Variants in PCSK1N observed in about 807,000 individuals in gnomAD.
PCSK1N encodes proprotein convertase subtilisin/kexin type 1 inhibitor, also known as proSAAS.
PCSK1N carries 8 observed loss-of-function variants against 10.6 expected under a neutral mutation model. That is an observed-to-expected ratio of 0.76 (90% CI 0.44 to 1.37). The LOEUF (loss-of-function observed/expected upper bound fraction) is 1.37, where lower values mean the gene tolerates loss of function less well. Ranked by LOEUF, PCSK1N falls within the 40% of genes most tolerant of loss-of-function variation. PCSK1N has a pLI of 0.00. For synonymous variants in PCSK1N, 143 were observed against 137.1 expected (o/e 1.04, Z -0.30); for missense variants, 301 against 268.5 (o/e 1.12, Z -0.84).
At chrX:48,833,441 G>C (rs998263966) in intron 1 of PCSK1N, among the ~76,000 whole-genome samples, 1 of 112,149 alleles carries the variant, frequency 8.9e-6, no homozygotes, top group African/African-American at 3.2e-5. Flanking sequence ...TAAAATGCCA[G>C]GGAGATACTA....
rs1169913766 is a variant in PCSK1N at position 48,835,560 on chromosome X, G to T, written c.-28C>A. On this transcript the variant is annotated 5_prime_UTR_variant, in exon 1 of 3. Coordinates refer to ENST00000218230, the MANE Select transcript of PCSK1N (RefSeq NM_013271.5). Reference sequence around the variant, plus strand: ...TGCCCCAGCGAGCCGGGCTCCGGACGGGCGGACTGGCTGGCAAGTGCGCAG... The same window carrying T: ...TGCCCCAGCGAGCCGGGCTCCGGACTGGCGGACTGGCTGGCAAGTGCGCAG... The T allele has an allele frequency of 2.8e-6, 2 of 719,026 alleles. No homozygotes were observed. Among genetic ancestry groups the T allele is most frequent in the East Asian group, 4.8e-5 (1 of 21,008 alleles). 59.3% of individuals were successfully genotyped at this position (719,026 alleles called of 1,213,427 possible).
At chrX:48,831,749 C>G in intron 2 of PCSK1N, 120 bp downstream of exon 2, 3 of 538,524 alleles carry the variant, frequency 5.6e-6, no homozygotes, top group Non-Finnish European at 8.0e-6. Flanking sequence ...GGACCTCACT[C>G]CCTCTTAGGC....
chrX:48,833,541 C>G (rs188524099), intron 1 of PCSK1N, among the ~76,000 whole-genome samples: 1 of 112,098 alleles, frequency 8.9e-6, no homozygotes, highest in East Asian at 2.8e-4. Context: ...AACTCTCATA[C>G]TATGCTGGTG....
chrX:48,832,332 C>G lies in PCSK1N; in HGVS notation c.124G>C (p.Gly42Arg). 9.0e-7 allele frequency: 1 copy of G among 1,116,229 alleles called. No individual in the cohort carries two copies. Among genetic ancestry groups the G allele is most frequent in the Non-Finnish European group, 1.2e-6 (1 of 849,321 alleles). 92.0% of individuals were successfully genotyped at this position (1,116,229 alleles called of 1,213,427 possible). A position where few individuals can be genotyped will look rare whatever the true frequency, so the allele number is the denominator to read the frequency against. ...LCARPVKEPRGLSAASPPLAE... is the reference protein window; with the variant it reads ...LCARPVKEPRRLSAASPPLAE... ...AAGGGCGGAGACGCTGCGCTTAGGCCGCGGGGCTCCTGCGGGAAAATGAGG... is the reference window on the plus strand; with the variant it reads ...AAGGGCGGAGACGCTGCGCTTAGGCGGCGGGGCTCCTGCGGGAAAATGAGG... Residue 42 changes from glycine to arginine, a missense_variant, in exon 2 of 3, where the codon GGC (glycine) becomes CGC (arginine). By Grantham distance (125) the Gly-to-Arg change is moderately radical (BLOSUM62 -2). Transcript: ENST00000218230.
Position 48,832,068 on chromosome X carries a change from C to A in PCSK1N, c.388G>T (p.Asp130Tyr). 1 of 1,119,049 alleles carries A rather than the reference C, an allele frequency of 8.9e-7. No individual in the cohort carries two copies. Among genetic ancestry groups the A allele is most frequent in the Non-Finnish European group, 1.2e-6 (1 of 857,776 alleles). The allele number at this position is 1,119,049 out of a possible 1,213,427, so 92.2% of individuals were successfully genotyped here. A position where few individuals can be genotyped will look rare whatever the true frequency, so the allele number is the denominator to read the frequency against. Residue 130 changes from aspartate to tyrosine, a missense_variant, in exon 2 of 3, where the codon GAC (aspartate) becomes TAC (tyrosine). Transcript: ENST00000218230. ...CGAGCGAGCTGCGCTGCAGGCGCGT[C>A]GGGGTCGTCGTCCAGGCCCAGAGCC... ...DPALGLDDDP[D>Y]APAAQLARAL...
rs1182206677 is a variant in PCSK1N, at chrX:48,832,214, TGCGCCAGCGCCC to T, written c.230_241del (p.Arg77_Ala80del). 5.2e-6 allele frequency: 6 copies of T among 1,156,865 alleles called. No individual in the cohort carries two copies. The highest frequency in any genetic ancestry group is 3.3e-5 in the East Asian group (1 of 30,472). On this transcript the variant is annotated inframe_deletion, in exon 2 of 3. Coordinates refer to ENST00000218230, the MANE Select transcript of PCSK1N (RefSeq NM_013271.5). ...CTCCTGACGTTCGGCCTCCAGCAGA[TGCGCCAGCGCCC>T]GCGCCAGCTCCTGCACCGCCCCCGC...
Position 48,832,023 on chromosome X carries a change from G to C in PCSK1N, c.433C>G (p.Leu145Val), listed in dbSNP as rs782035934. 5 of 1,104,310 alleles carry C rather than the reference G, an allele frequency of 4.5e-6. No individual in the cohort carries two copies. 91.0% of individuals were successfully genotyped at this position (1,104,310 alleles called of 1,213,427 possible). A position where few individuals can be genotyped will look rare whatever the true frequency, so the allele number is the denominator to read the frequency against. ...TGGGCTGCTAGGGCGGCAGGGTCAA[G>C]GCGGGCGCGGAGCAGAGCGCGAGCG... ...QLARALLRAR[L>V]DPAALAAQLV... The change falls in exon 2 of 3, where the codon CTT (leucine) becomes GTT (valine). Residue 145 changes from leucine to valine, a missense_variant. Leu to Val is a conservative substitution (Grantham distance 32). Transcript: ENST00000218230.
Position 48,832,074 on chromosome X carries a change from C to G in PCSK1N, c.382G>C (p.Asp128His). 8.9e-7 allele frequency: 1 copy of G among 1,119,545 alleles called. No homozygotes were observed. Among genetic ancestry groups the G allele is most frequent in the South Asian group, 2.0e-5 (1 of 48,969 alleles). 92.3% of individuals were successfully genotyped at this position (1,119,545 alleles called of 1,213,427 possible). A position where few individuals can be genotyped will look rare whatever the true frequency, so the allele number is the denominator to read the frequency against. ...AGCTGCGCTGCAGGCGCGTCGGGGT[C>G]GTCGTCCAGGCCCAGAGCCGGATCA... ...NSDPALGLDD[D>H]PDAPAAQLAR... The change falls in exon 2 of 3, where the codon GAC (aspartate) becomes CAC (histidine). Residue 128 changes from aspartate (D) to histidine (H), a missense_variant. Physicochemically the swap from Asp to His is moderately conservative, Grantham distance 81. Transcript: ENST00000218230.
intron 1 of PCSK1N, 91 bp from the exon 2 acceptor site, chrX:48,832,432 C>T: frequency 1.4e-6 from 1 of 696,116 alleles, no homozygotes; most frequent in Non-Finnish European, 2.0e-6. Context: ...CCTCAAACAT[C>T]CCAGATGCCA....
At chrX:48,833,472 T>C (rs1485254028) in intron 1 of PCSK1N, among the ~76,000 whole-genome samples, 3 of 112,380 alleles carry the variant, frequency 2.7e-5, no homozygotes, top group Non-Finnish European at 3.8e-5. Flanking sequence ...AACCAAAAGA[T>C]TGACCCAAAT....
rs377603472 is a variant in PCSK1N, at chrX:48,831,293, G to A, written c.750C>T (p.Pro250=). The change falls in exon 3 of 3, where the codon CCC becomes CCT. Residue 250 remains proline, a synonymous_variant. Transcript: ENST00000218230. The part of the protein sequence containing the change: ...LRVKRLETPA[P]QVPARRLLPP ...GCAAGAGGCGGCGTGCAGGCACCTG[G>A]GGCGCCGGGGTCTCTAGGCGTTTCA... 3.4e-6 allele frequency: 4 copies of A among 1,179,908 alleles called. No individual in the cohort carries two copies. In the African/African-American group the frequency reaches 5.4e-5, roughly 16 times the overall value.
In PCSK1N at chrX:48,831,281, T is replaced by A. The variant is rs782782833; in HGVS notation, c.762A>T (p.Ala254=). Residue 254 remains alanine, a synonymous_variant, in exon 3 of 3, where the codon GCA becomes GCT. Coordinates refer to ENST00000218230, the MANE Select transcript of PCSK1N (RefSeq NM_013271.5). The part of the protein sequence containing the change: ...RLETPAPQVP[A]RRLLPP ...GTGCTCAGGGTGGCAAGAGGCGGCGTGCAGGCACCTGGGGCGCCGGGGTCT... is the reference window on the plus strand; with the variant it reads ...GTGCTCAGGGTGGCAAGAGGCGGCGAGCAGGCACCTGGGGCGCCGGGGTCT... The A allele has an allele frequency of 5.9e-6, 7 of 1,183,633 alleles. No individual in the cohort carries two copies. Among genetic ancestry groups the A allele is most frequent in the Non-Finnish European group, 7.9e-6 (7 of 882,451 alleles).
rs1557033304 is a variant in PCSK1N, at chrX:48,831,243, C to T, written c.*17G>A. 2 of 1,151,153 alleles carry T rather than the reference C, an allele frequency of 1.7e-6. No individual in the cohort carries two copies. Among genetic ancestry groups the T allele is most frequent in the Non-Finnish European group, 2.3e-6 (2 of 863,438 alleles). The allele number at this position is 1,151,153 out of a possible 1,213,427, so 94.9% of individuals were successfully genotyped here. On this transcript the variant is annotated 3_prime_UTR_variant, in exon 3 of 3. Transcript: ENST00000218230. ...GGGCACTTCTGGGTCCCAGGGTGCA[C>T]GGGATCCGGGCAGTGCTCAGGGTGG...
In PCSK1N at chrX:48,835,414, C is replaced by A; in HGVS notation, c.114+5G>T. On this transcript the variant is annotated splice_donor_5th_base_variant and intron_variant, in intron 1 of 2. Coordinates refer to ENST00000218230, the MANE Select transcript of PCSK1N (RefSeq NM_013271.5). ...CCCCCACCCCTCGCCGGACTGGGGT[C>A]GCACCTTTACCGGCCGCGCGCAGAG... 1 of 869,038 alleles carries A rather than the reference C, an allele frequency of 1.2e-6. No homozygotes were observed. The highest frequency in any genetic ancestry group is 5.3e-5 in the South Asian group (1 of 19,016). 71.6% of individuals were successfully genotyped at this position (869,038 alleles called of 1,213,427 possible).
rs2147403341 is a variant in PCSK1N at position 48,831,370 on chromosome X, C to A, written c.673G>T (p.Asp225Tyr). ...PRRLRRAADH[D>Y]VGSELPPEGV... ...TCAGGGGGCAGCTCAGAGCCCACAT[C>A]GTGGTCGGCGGCACGGCGGAGGCGG... is the stretch of plus-strand genomic sequence containing the variant. Residue 225 changes from aspartate (D) to tyrosine (Y), a missense_variant, in exon 3 of 3, where the codon GAT becomes TAT. Coordinates refer to ENST00000218230, the MANE Select transcript of PCSK1N (RefSeq NM_013271.5). The A allele has an allele frequency of 2.7e-6, 3 of 1,122,125 alleles. No homozygotes were observed. Among genetic ancestry groups the A allele is most frequent in the Non-Finnish European group, 3.5e-6 (3 of 856,490 alleles). 92.5% of individuals were successfully genotyped at this position (1,122,125 alleles called of 1,213,427 possible). A position where few individuals can be genotyped will look rare whatever the true frequency, so the allele number is the denominator to read the frequency against.
In PCSK1N at chrX:48,831,901, G is replaced by C; in HGVS notation, c.555C>G (p.Asp185Glu). Residue 185 changes from aspartate to glutamate, a missense_variant, in exon 2 of 3, where the codon GAC becomes GAG. By Grantham distance (45) the Asp-to-Glu change is conservative (BLOSUM62 2). Coordinates refer to ENST00000218230, the MANE Select transcript of PCSK1N (RefSeq NM_013271.5). ...GCTCGGGGTCCACGTCGGGTGTCTC[G>C]TCGCCTGCCTCCTCAGCATCCGGGC... is the stretch of plus-strand genomic sequence containing the variant. ...PAGPDAEEAG[D>E]ETPDVDPELL... 2 of 1,088,919 alleles carry C rather than the reference G, an allele frequency of 1.8e-6. No homozygotes were observed. Among genetic ancestry groups the C allele is most frequent in the East Asian group, 7.8e-5 (2 of 25,758 alleles). The allele number at this position is 1,088,919 out of a possible 1,213,427, so 89.7% of individuals were successfully genotyped here. A position where few individuals can be genotyped will look rare whatever the true frequency, so the allele number is the denominator to read the frequency against.
Position 48,832,230 on chromosome X carries a change from C to G in PCSK1N, c.226G>C (p.Ala76Pro). Reference protein sequence around the residue: ...GEAAGAVQELARALAHLLEAE... With the variant: ...GEAAGAVQELPRALAHLLEAE... ...TCCAGCAGATGCGCCAGCGCCCGCG[C>G]CAGCTCCTGCACCGCCCCCGCCGCC... The change falls in exon 2 of 3, where the codon GCG becomes CCG. Residue 76 changes from alanine to proline, a missense_variant. Transcript: ENST00000218230. The G allele has an allele frequency of 8.7e-7, 1 of 1,153,858 alleles. No individual in the cohort carries two copies. Among genetic ancestry groups the G allele is most frequent in the Non-Finnish European group, 1.1e-6 (1 of 872,032 alleles).
chrX:48,831,547 C>A, intron 2 of PCSK1N, 92 bp from the exon 3 acceptor site: 1 of 692,566 alleles, frequency 1.4e-6, no homozygotes, highest in Non-Finnish European at 2.0e-6. Flanking sequence ...GATCCACAAC[C>A]ACATACTGCC....
chrX:48,831,362 G>A lies in PCSK1N; in HGVS notation c.681C>T (p.Gly227=), dbSNP rs1557033341. 1.8e-6 allele frequency: 2 copies of A among 1,131,667 alleles called. No homozygotes were observed. Among genetic ancestry groups the A allele is most frequent in the Non-Finnish European group, 2.3e-6 (2 of 859,723 alleles). 93.3% of individuals were successfully genotyped at this position (1,131,667 alleles called of 1,213,427 possible). ...RLRRAADHDV[G]SELPPEGVLG... ...GCACGCCCTCAGGGGGCAGCTCAGAGCCCACATCGTGGTCGGCGGCACGGC... is the reference window on the plus strand; with the variant it reads ...GCACGCCCTCAGGGGGCAGCTCAGAACCCACATCGTGGTCGGCGGCACGGC... Residue 227 remains glycine, a synonymous_variant, in exon 3 of 3, where the codon GGC becomes GGT. Coordinates refer to ENST00000218230, the MANE Select transcript of PCSK1N (RefSeq NM_013271.5).
Sources: gnomAD v4.1 joint callset for allele counts (sites outside exome capture counted in the v4.1 genomes callset) on GRCh38, gnomAD v4.1.1 for gene constraint, MANE v1.5 for transcripts, NCBI Gene and HGNC (gene_info 2026-07-23, HGNC 2026-07-21) for gene names.